CTNND2: variants seen among roughly 807,000 people sequenced by gnomAD.
CTNND2 encodes the protein catenin delta 2, also known as catenin delta-2.
In CTNND2, 22 loss-of-function variants were observed where a neutral mutation model predicts 144.4. The ratio of observed to expected loss-of-function variants is 0.15; its 90% CI spans 0.11 to 0.22. The LOEUF (loss-of-function observed/expected upper bound fraction) is 0.22. Ranked by LOEUF, CTNND2 falls within the 10% of genes least tolerant of loss-of-function variation. The pLI is 1.00. For missense variants in CTNND2, 1,353 were observed against 1,618.8 expected (o/e 0.84, Z 2.82); for synonymous variants, 751 against 695.6 (o/e 1.08, Z -1.25).
intron 8 of CTNND2, among the ~76,000 whole-genome samples, chr5:11,361,051 A>G (rs746117874): frequency 6.6e-6 from 1 of 151,938 alleles, no homozygotes; most frequent in Non-Finnish European, 1.5e-5. Context: ...ATGGAGTTTC[A>G]CTCTTGTTGC....
chr5:11,655,436 A>G (rs1782860822), intron 2 of CTNND2, among the ~76,000 whole-genome samples: 1 of 152,228 alleles, frequency 6.6e-6, no homozygotes, highest in African/African-American at 2.4e-5. Context: ...TACATCAACC[A>G]GTAGGACTCT....
At chr5:11,771,192 C>CATTTTTT in intron 1 of CTNND2, among the ~76,000 whole-genome samples, 1 of 103,780 alleles carries the variant, frequency 9.6e-6, no homozygotes, top group East Asian at 3.3e-4. Flanking sequence ...ACATTGTTAG[C>CATTTTTT]TTTTTTTTTT....
chr5:11,633,963 C>A (rs189711229), intron 2 of CTNND2, among the ~76,000 whole-genome samples: 1 of 151,938 alleles, frequency 6.6e-6, no homozygotes, highest in Admixed American at 6.6e-5. Flanking sequence ...TGGGTGATTT[C>A]CCCCCTCATG....
chr5:11,364,906 AG>A lies in CTNND2; in HGVS notation c.1178-17del. On this transcript the variant is annotated splice_polypyrimidine_tract_variant and intron_variant, in intron 7 of 21. Coordinates refer to ENST00000304623, the MANE Select transcript of CTNND2 (RefSeq NM_001332.4). ...CGGGAACCAGCTGAAATAAATCAAC[AG>A]AGGGACATCAAAGCTCAGGCGACCT... is the stretch of plus-strand genomic sequence containing the variant. 6.2e-7 allele frequency: 1 copy of A among 1,603,238 alleles called. No individual in the cohort carries two copies. The highest frequency in any genetic ancestry group is 1.3e-5 in the African/African-American group (1 of 74,238).
At chr5:11,499,537 C>T (rs947300138) in intron 3 of CTNND2, among the ~76,000 whole-genome samples, 3 of 152,230 alleles carry the variant, frequency 2.0e-5, no homozygotes, top group Admixed American at 6.5e-5. Context: ...TTCAACTATC[C>T]TTCGTTTTTG....
At chr5:11,162,019 G>A (rs548713752) in intron 11 of CTNND2, among the ~76,000 whole-genome samples, 127 of 152,022 alleles carry the variant, frequency 8.4e-4, no homozygotes, top group Non-Finnish European at 1.3e-3. Flanking sequence ...GTGTGGTGGC[G>A]TGTGCTTATA....
At chr5:11,845,066 C>T (rs183683210) in intron 1 of CTNND2, among the ~76,000 whole-genome samples, 17 of 152,086 alleles carry the variant, frequency 1.1e-4, no homozygotes, top group East Asian at 3.9e-4. Flanking sequence ...TAGCCGAGGA[C>T]GCATAAGGAA....
At chr5:11,567,360 G>C (rs1777202130) in intron 2 of CTNND2, among the ~76,000 whole-genome samples, 1 of 151,982 alleles carries the variant, frequency 6.6e-6, no homozygotes, top group South Asian at 2.1e-4. Flanking sequence ...GGGTTATTCA[G>C]CTTGGATATC....
At chr5:11,029,770 A>G (rs1014517999) in intron 16 of CTNND2, among the ~76,000 whole-genome samples, 4 of 152,254 alleles carry the variant, frequency 2.6e-5, no homozygotes, top group Non-Finnish European at 5.9e-5. Flanking sequence ...GTACTGAATT[A>G]TGTAGAAAAC....
intron 1 of CTNND2, among the ~76,000 whole-genome samples, chr5:11,787,222 A>G (rs1053877032): frequency 1.3e-4 from 20 of 152,224 alleles, no homozygotes; most frequent in African/African-American, 4.6e-4. Flanking sequence ...ATTCTGAACA[A>G]CTAGAGCTAA....
At chr5:10,998,029 C>A (rs1355268496) in intron 18 of CTNND2, among the ~76,000 whole-genome samples, 3 of 152,144 alleles carry the variant, frequency 2.0e-5, no homozygotes, top group Non-Finnish European at 4.4e-5. Flanking sequence ...ATACTGCAAC[C>A]ATTTAAGTAT....
chr5:11,361,090 G>A (rs983689684), intron 8 of CTNND2, among the ~76,000 whole-genome samples: 1 of 152,120 alleles, frequency 6.6e-6, no homozygotes, highest in African/African-American at 2.4e-5. Context: ...GCGCGATCCT[G>A]GCTCAGCGCA....
At chr5:11,649,819 G>A (rs1782554046) in intron 2 of CTNND2, among the ~76,000 whole-genome samples, 1 of 151,294 alleles carries the variant, frequency 6.6e-6, no homozygotes, top group Non-Finnish European at 1.5e-5. Flanking sequence ...GGCACTATCA[G>A]AATGCTTTAC....
At chr5:11,876,728 T>C (rs903216141) in intron 1 of CTNND2, among the ~76,000 whole-genome samples, 2 of 152,186 alleles carry the variant, frequency 1.3e-5, no homozygotes, top group Admixed American at 6.5e-5. Flanking sequence ...AAAGCTAGCA[T>C]TGTTTAAGTT....
chr5:11,708,876 T>C (rs922222113), intron 2 of CTNND2, among the ~76,000 whole-genome samples: 1 of 152,218 alleles, frequency 6.6e-6, no homozygotes, highest in Non-Finnish European at 1.5e-5. Flanking sequence ...GATCTGTCTA[T>C]AGTTATGTCT....
rs1177335367 is a variant in CTNND2 at position 11,240,331 on chromosome 5, AACAC to A, written c.1629-3512_1629-3509del. 1.1e-4 allele frequency among the ~76,000 whole-genome samples: 13 copies of A among 118,282 alleles called. 1 individual carries two copies. The South Asian group carries it at 3.7e-3, about 34-fold the overall frequency. The allele number at this position is 118,282 out of a possible 152,430, so 77.6% of individuals were successfully genotyped here. ...ACATACACCCAACACACACACACCC[AACAC>A]ACATACACCCAACACACACACATTC... On this transcript the variant is annotated intron_variant, in intron 9 of 21. Coordinates refer to ENST00000304623, the MANE Select transcript of CTNND2 (RefSeq NM_001332.4).
intron 3 of CTNND2, among the ~76,000 whole-genome samples, chr5:11,432,114 G>A (rs2106850): frequency 7.2e-5 from 10 of 138,452 alleles, no homozygotes; most frequent in African/African-American, 2.7e-4. Context: ...ATTTTCTGAG[G>A]TTGAGGCTTT....
intron 3 of CTNND2, among the ~76,000 whole-genome samples, chr5:11,434,677 T>C (rs1763600095): frequency 6.6e-6 from 1 of 152,212 alleles, no homozygotes; most frequent in Non-Finnish European, 1.5e-5. Flanking sequence ...AAATCAAGTA[T>C]ATTAAACTGC....
chr5:11,134,856 G>A (rs1755975808), intron 12 of CTNND2, among the ~76,000 whole-genome samples: 1 of 152,192 alleles, frequency 6.6e-6, no homozygotes, highest in South Asian at 2.1e-4. Context: ...TACTGCTTCA[G>A]TTGTGAAAGG....
Sources: allele counts gnomAD v4.1 joint callset (sites outside exome capture counted in the v4.1 genomes callset), GRCh38; gene constraint gnomAD v4.1.1; transcripts MANE v1.5; gene names NCBI Gene and HGNC (gene_info 2026-07-23, HGNC 2026-07-21).